Variants in NELL1 observed in about 807,000 individuals in gnomAD.
NELL1 encodes neural EGFL like 1.
In NELL1, 76 loss-of-function variants were observed where a neutral mutation model predicts 107.4. That is an observed-to-expected ratio of 0.71 (90% CI 0.59 to 0.86). The LOEUF (loss-of-function observed/expected upper bound fraction) is 0.86. Among genes scored for constraint, NELL1 ranks in the 40% least tolerant of loss-of-function variants. NELL1 has a pLI of 0.00. For synonymous variants in NELL1, 353 were observed against 341.2 expected (o/e 1.03, Z -0.38); for missense variants, 1,024 against 1,005.5 (o/e 1.02, Z -0.25).
chr11:21,511,418 C>T (rs926391909), intron 15 of NELL1, among the ~76,000 whole-genome samples: 7 of 152,130 alleles, frequency 4.6e-5, no homozygotes, highest in African/African-American at 7.2e-5. Context: ...TTCTCACCAA[C>T]GGCAATCTGG....
chr11:20,754,954 A>G (rs996788516), intron 2 of NELL1, among the ~76,000 whole-genome samples: 4 of 152,206 alleles, frequency 2.6e-5, no homozygotes, highest in African/African-American at 9.7e-5. Context: ...TGACAAAAAT[A>G]GAAGAACCAC....
intron 3 of NELL1, among the ~76,000 whole-genome samples, chr11:20,798,075 C>T (rs1335989337): frequency 6.6e-6 from 1 of 152,036 alleles, no homozygotes; most frequent in Non-Finnish European, 1.5e-5. Flanking sequence ...ACAGTGTAGA[C>T]ATAGCTTCAA....
At chr11:21,119,428 T>C (rs932321800) in intron 13 of NELL1, among the ~76,000 whole-genome samples, 1 of 151,258 alleles carries the variant, frequency 6.6e-6, no homozygotes, top group Non-Finnish European at 1.5e-5. Flanking sequence ...ATAATAAAGC[T>C]CCAAGAGTTC....
At chr11:20,925,428 C>T (rs1300645682) in intron 7 of NELL1, among the ~76,000 whole-genome samples, 1 of 147,196 alleles carries the variant, frequency 6.8e-6, no homozygotes, top group Non-Finnish European at 1.5e-5. Flanking sequence ...GTACCCGCTA[C>T]CACACCCGGC....
intron 2 of NELL1, among the ~76,000 whole-genome samples, chr11:20,782,384 G>A (rs72944723): frequency 0.27 from 41,346 of 151,746 alleles, 6,464 homozygotes; most frequent in African/African-American, 0.43. Context: ...CTAGATACTT[G>A]CAGATGGGAA....
intron 11 of NELL1, among the ~76,000 whole-genome samples, chr11:20,952,773 C>T (rs1851094313): frequency 6.6e-6 from 1 of 152,136 alleles, no homozygotes; most frequent in South Asian, 2.1e-4. Context: ...TATGAAGCTT[C>T]CAAAAGGAGG....
chr11:20,787,819 C>T (rs1056594589), intron 3 of NELL1, among the ~76,000 whole-genome samples: 4 of 152,120 alleles, frequency 2.6e-5, no homozygotes, highest in Non-Finnish European at 2.9e-5. Context: ...ATGCTCATTA[C>T]CCTCAAAAGA....
chr11:20,670,276 G>C (rs1853867029), intron 1 of NELL1: 1 of 159,482 alleles, frequency 6.3e-6, no homozygotes, highest in African/African-American at 2.4e-5. Context: ...GCAGAGAGCT[G>C]CGGGAGAACC....
chr11:21,522,506 A>C (rs1415716327), intron 15 of NELL1, among the ~76,000 whole-genome samples: 1 of 152,206 alleles, frequency 6.6e-6, no homozygotes, highest in Non-Finnish European at 1.5e-5. Context: ...GTGGGAGCTA[A>C]ATAATGTGTA....
intron 12 of NELL1, among the ~76,000 whole-genome samples, chr11:21,093,696 A>G (rs554505186): frequency 6.6e-6 from 1 of 152,242 alleles, no homozygotes; most frequent in Non-Finnish European, 1.5e-5. Context: ...CACGTCTTAC[A>G]TGGATGGCAG....
intron 12 of NELL1, among the ~76,000 whole-genome samples, chr11:20,985,730 G>A (rs943321326): frequency 1.3e-5 from 2 of 152,152 alleles, no homozygotes; most frequent in Non-Finnish European, 2.9e-5. Context: ...AGATAAACTG[G>A]CCAAAAGTCA....
At chr11:21,468,442 GCCA>G (rs1854086186) in intron 15 of NELL1, among the ~76,000 whole-genome samples, 1 of 151,668 alleles carries the variant, frequency 6.6e-6, no homozygotes, top group African/African-American at 2.4e-5. Context: ...ATTATTTTGA[GCCA>G]ATAAGTTGGC....
intron 16 of NELL1, among the ~76,000 whole-genome samples, chr11:21,543,975 G>T (rs1376058918): frequency 6.6e-6 from 1 of 151,910 alleles, no homozygotes; most frequent in African/African-American, 2.4e-5. Flanking sequence ...AGTAGGGTCT[G>T]TCCTGTAAGC....
chr11:20,978,743 G>A (rs969623396), intron 12 of NELL1, among the ~76,000 whole-genome samples: 16 of 152,016 alleles, frequency 1.1e-4, no homozygotes, highest in Admixed American at 5.9e-4. Context: ...AGCAACCTTC[G>A]GATTCTCATC....
At chr11:21,272,003 T>C (rs1010019311) in intron 14 of NELL1, among the ~76,000 whole-genome samples, 1 of 152,112 alleles carries the variant, frequency 6.6e-6, no homozygotes, top group African/African-American at 2.4e-5. Flanking sequence ...GATTTCTGCA[T>C]TTCCAACTGA....
intron 2 of NELL1, among the ~76,000 whole-genome samples, chr11:20,771,410 G>A (rs769130261): frequency 2.0e-5 from 3 of 152,122 alleles, no homozygotes; most frequent in Non-Finnish European, 2.9e-5. Flanking sequence ...ATTTCCCAGG[G>A]GTGGGAAGTC....
At chr11:21,246,586 C>T (rs56092408) in intron 14 of NELL1, among the ~76,000 whole-genome samples, 33,135 of 152,044 alleles carry the variant, frequency 0.22, 4,014 homozygotes, top group African/African-American at 0.3. Flanking sequence ...CTAGACTCTA[C>T]GATATGGCCT....
At chr11:21,475,725 A>T (rs1227728829) in intron 15 of NELL1, among the ~76,000 whole-genome samples, 1 of 152,214 alleles carries the variant, frequency 6.6e-6, no homozygotes, top group Admixed American at 6.5e-5. Context: ...TTACTGGTGA[A>T]ATCCATTGAA....
chr11:20,941,022 C>T (rs937933749), intron 10 of NELL1, among the ~76,000 whole-genome samples: 2 of 152,048 alleles, frequency 1.3e-5, no homozygotes, highest in Admixed American at 6.5e-5. Context: ...GCCTGTAATC[C>T]CAGCTACTCG....
Sources: allele counts gnomAD v4.1 joint callset (sites outside exome capture counted in the v4.1 genomes callset), GRCh38; gene constraint gnomAD v4.1.1; transcripts MANE v1.5; gene names NCBI Gene and HGNC (gene_info 2026-07-23, HGNC 2026-07-21).